The following MDGA2 variants were observed in gnomAD, a reference collection of about 807,000 sequenced individuals.
The protein encoded by MDGA2 is MAM domain containing glycosylphosphatidylinositol anchor 2.
In MDGA2, 40 loss-of-function variants were observed where a neutral mutation model predicts 117.8. That is an observed-to-expected ratio of 0.34 (90% CI 0.26 to 0.44). The LOEUF (loss-of-function observed/expected upper bound fraction) is 0.44. MDGA2 is among the 20% of genes least tolerant of loss of function. The pLI, the probability that MDGA2 is intolerant of heterozygous loss-of-function variation, is 1.00. For missense variants in MDGA2, 1,123 were observed against 1,250.6 expected (o/e 0.90, Z 1.54); for synonymous variants, 452 against 439.0 (o/e 1.03, Z -0.37).
chr14:47,241,819 C>G (rs1434272928), intron 2 of MDGA2, among the ~76,000 whole-genome samples: 1 of 151,640 alleles, frequency 6.6e-6, no homozygotes, highest in East Asian at 1.9e-4. Context: ...GTTTACCTAC[C>G]AAGAATATTT....
chr14:47,034,811 A>C (rs984870741), intron 8 of MDGA2, among the ~76,000 whole-genome samples, 200 bp downstream of exon 8: 1 of 152,086 alleles, frequency 6.6e-6, no homozygotes, highest in Non-Finnish European at 1.5e-5. Flanking sequence ...CTCATGCAAA[A>C]AGCACATTTA....
At chr14:47,531,717 G>C (rs544820902) in intron 1 of MDGA2, among the ~76,000 whole-genome samples, 1 of 152,250 alleles carries the variant, frequency 6.6e-6, no homozygotes, top group East Asian at 1.9e-4. Context: ...TGTTGATAAA[G>C]ACTTGTCAAA....
At chr14:46,935,707 C>T (rs1186549295) in intron 9 of MDGA2, among the ~76,000 whole-genome samples, 6 of 152,122 alleles carry the variant, frequency 3.9e-5, no homozygotes, top group Non-Finnish European at 8.8e-5. Context: ...ACAAAGCTAG[C>T]TAGACAAAGC....
Position 46,841,928 on chromosome 14 carries a change from A to C in MDGA2, c.*3T>G. 6.3e-7 allele frequency: 1 copy of C among 1,598,866 alleles called. No homozygotes were observed. Among genetic ancestry groups the C allele is most frequent in the Non-Finnish European group, 8.6e-7 (1 of 1,169,048 alleles). On this transcript the variant is annotated 3_prime_UTR_variant, in exon 17 of 17. Coordinates refer to ENST00000399232, the MANE Select transcript of MDGA2 (RefSeq NM_001113498.3). Reference sequence around the variant, plus strand: ...ATCTTTTATAGCCTCTGCCAGGATAAGGTCACCTTCGAGGACTTAAGATAG... The same window carrying C: ...ATCTTTTATAGCCTCTGCCAGGATACGGTCACCTTCGAGGACTTAAGATAG...
intron 1 of MDGA2, among the ~76,000 whole-genome samples, chr14:47,326,722 C>G (rs1405095664): frequency 1.3e-5 from 2 of 151,538 alleles, no homozygotes; most frequent in African/African-American, 4.8e-5. Flanking sequence ...TATCATTTTT[C>G]TAAACTCTTA....
At chr14:47,269,708 AT>A (rs1346192947) in intron 2 of MDGA2, among the ~76,000 whole-genome samples, 1 of 152,088 alleles carries the variant, frequency 6.6e-6, no homozygotes, top group Non-Finnish European at 1.5e-5. Context: ...GTTTTTTCAG[AT>A]TTTAACATAA....
chr14:47,462,792 T>A (rs1893517952), intron 1 of MDGA2, among the ~76,000 whole-genome samples: 1 of 152,230 alleles, frequency 6.6e-6, no homozygotes, highest in African/African-American at 2.4e-5. Context: ...CATTTTTGCC[T>A]AGAATGTTTC....
chr14:47,608,788 C>G (rs190143071), intron 1 of MDGA2, among the ~76,000 whole-genome samples: 55 of 152,170 alleles, frequency 3.6e-4, no homozygotes, highest in Non-Finnish European at 7.6e-4. Context: ...AAGCAGGAGA[C>G]TAGTTAGGAT....
intron 14 of MDGA2, among the ~76,000 whole-genome samples, chr14:46,859,773 C>T (rs1211751653): frequency 1.3e-5 from 2 of 152,008 alleles, no homozygotes; most frequent in South Asian, 2.1e-4. Context: ...ATTTTGATTA[C>T]AGATAATGAT....
At chr14:47,133,241 G>C (rs906620446) in intron 4 of MDGA2, among the ~76,000 whole-genome samples, 1 of 151,696 alleles carries the variant, frequency 6.6e-6, no homozygotes, top group African/African-American at 2.4e-5. Flanking sequence ...TATGTTTCTA[G>C]AGTTTATATA....
At chr14:47,161,927 C>CTTTTTTT (rs71112489) in intron 3 of MDGA2, among the ~76,000 whole-genome samples, 2 of 52,510 alleles carry the variant, frequency 3.8e-5, no homozygotes, top group Non-Finnish European at 7.0e-5. Flanking sequence ...TCCCCAGATC[C>CTTTTTTT]TTTTTTTTTT....
At chr14:47,517,908 A>G (rs1894789086) in intron 1 of MDGA2, among the ~76,000 whole-genome samples, 1 of 152,164 alleles carries the variant, frequency 6.6e-6, no homozygotes, top group Non-Finnish European at 1.5e-5. Flanking sequence ...AAATTTCCTC[A>G]CTTTGTAATT....
At chr14:46,866,344 G>GA (rs1881759556) in intron 14 of MDGA2, among the ~76,000 whole-genome samples, 1 of 152,156 alleles carries the variant, frequency 6.6e-6, no homozygotes, top group Admixed American at 6.5e-5. Context: ...GCCATATGTA[G>GA]AAAGCTGAAA....
chr14:47,476,609 A>C (rs1162378090), intron 1 of MDGA2, among the ~76,000 whole-genome samples: 1 of 152,102 alleles, frequency 6.6e-6, no homozygotes, highest in African/African-American at 2.4e-5. Context: ...TTGTGCCTAG[A>C]AAAAATCTGA....
chr14:47,333,792 T>A (rs1890361771), intron 1 of MDGA2, among the ~76,000 whole-genome samples: 1 of 152,028 alleles, frequency 6.6e-6, no homozygotes. Context: ...TACTAAGTAA[T>A]GTATGTTGAT....
chr14:47,436,470 T>C lies in MDGA2; in HGVS notation c.281-134920A>G, dbSNP rs560937719. Among the ~76,000 whole-genome samples the C allele has an allele frequency of 7.0e-4, 106 of 152,160 alleles. 1 individual carries two copies. The highest frequency in any genetic ancestry group is 2.2e-3 in the African/African-American group (93 of 41,542). ...GGGACCCCAACTGGAGTTCATAAAC[T>C]AGGAGAATGGCAGGGAAAAGAACTT... On this transcript the variant is annotated intron_variant, in intron 1 of 16. Coordinates refer to ENST00000399232, the MANE Select transcript of MDGA2 (RefSeq NM_001113498.3).
At chr14:47,149,831 T>C (rs1433573459) in intron 3 of MDGA2, among the ~76,000 whole-genome samples, 2 of 152,182 alleles carry the variant, frequency 1.3e-5, no homozygotes, top group Non-Finnish European at 2.9e-5. Flanking sequence ...CTTGATCCTA[T>C]TTTCCATCCT....
intron 2 of MDGA2, among the ~76,000 whole-genome samples, chr14:47,226,686 T>C (rs145985482): frequency 6.6e-6 from 1 of 152,142 alleles, no homozygotes; most frequent in Non-Finnish European, 1.5e-5. Flanking sequence ...GCAATCATCA[T>C]AGAGAAGTTT....
At chr14:47,652,205 T>C (rs1897658632) in intron 1 of MDGA2, among the ~76,000 whole-genome samples, 1 of 152,222 alleles carries the variant, frequency 6.6e-6, no homozygotes, top group African/African-American at 2.4e-5. Context: ...AATATAATTA[T>C]CTGCTAGAAA....
Sources: gnomAD v4.1 joint callset for allele counts (sites outside exome capture counted in the v4.1 genomes callset) on GRCh38, gnomAD v4.1.1 for gene constraint, MANE v1.5 for transcripts, NCBI Gene and HGNC (gene_info 2026-07-23, HGNC 2026-07-21) for gene names.